DCAF16: variants seen among roughly 807,000 people sequenced by gnomAD.
The protein encoded by DCAF16 is DDB1- and CUL4-associated factor 16.
A neutral mutation model predicts 17.3 loss-of-function variants in DCAF16; 10 were observed. The ratio of observed to expected loss-of-function variants is 0.58; its 90% CI spans 0.36 to 0.98. The LOEUF is 0.98. Ranked by LOEUF, DCAF16 falls within the 50% of genes least tolerant of loss-of-function variation. DCAF16 has a pLI of 0.01. For missense variants in DCAF16, 249 were observed against 247.6 expected (o/e 1.01, Z -0.04); for synonymous variants, 111 against 92.8 (o/e 1.20, Z -1.12).
rs771319623 is a variant in DCAF16 at position 17,803,615 on chromosome 4, C to T, written c.527G>A (p.Gly176Glu). 1 of 1,614,128 alleles carries T rather than the reference C, an allele frequency of 6.2e-7. No homozygotes were observed. Residue 176 changes from glycine (G) to glutamate (E), a missense_variant, in exon 3 of 3, where the codon GGG (glycine) becomes GAG (glutamate). Physicochemically the swap from Gly to Glu is moderately conservative, Grantham distance 98. Coordinates refer to ENST00000382247, the MANE Select transcript of DCAF16 (RefSeq NM_017741.4). ...LKQIPNSCVSGCCCGWLTKTV... is the reference protein window; with the variant it reads ...LKQIPNSCVSECCCGWLTKTV... ...TTTAGTCAGCCAGCCACAGCAACAC[C>T]CAGAAACACATGAATTAGGGATCTG... is the stretch of plus-strand genomic sequence containing the variant.
chr4:17,808,500 A>T (rs1720529426), intron 1 of DCAF16, among the ~76,000 whole-genome samples: 2 of 152,196 alleles, frequency 1.3e-5, no homozygotes, highest in African/African-American at 2.4e-5. Flanking sequence ...TTAAGGCAGT[A>T]TACTATGTTG....
At chr4:17,810,065 T>C (rs1200064819) in intron 1 of DCAF16, among the ~76,000 whole-genome samples, 2 of 152,192 alleles carry the variant, frequency 1.3e-5, no homozygotes, top group Non-Finnish European at 2.9e-5. Context: ...GCTCAAAATA[T>C]ACTCTAGAAG....
downstream of DCAF16, among the ~76,000 whole-genome samples, chr4:17,800,045 G>T (rs894026534): frequency 2.0e-5 from 3 of 151,636 alleles, no homozygotes; most frequent in African/African-American, 7.3e-5. Flanking sequence ...TACTCGGGAG[G>T]CTGAGGCAGA....
the DCAF16 span, among the ~76,000 whole-genome samples, chr4:17,794,684 T>C: frequency 1.8e-4 from 28 of 152,340 alleles, no homozygotes; most frequent in African/African-American, 6.7e-4. Context: ...GCACATCTTA[T>C]TGAAGTCAGC....
In DCAF16 at chr4:17,804,182, C is replaced by A. The variant is rs752913341; in HGVS notation, c.-41G>T. 2.5e-5 allele frequency: 39 copies of A among 1,535,166 alleles called. No homozygotes were observed. The highest frequency in any genetic ancestry group is 3.4e-5 in the Non-Finnish European group (38 of 1,128,210). ...TAAGGAACCAGAAAAAGGTAATAATCTAAGCCAGCAGAACACTGACTAACA... is the reference window on the plus strand; with the variant it reads ...TAAGGAACCAGAAAAAGGTAATAATATAAGCCAGCAGAACACTGACTAACA... On this transcript the variant is annotated 5_prime_UTR_variant, in exon 3 of 3. Transcript: ENST00000382247.
rs1719790455 is a variant in DCAF16 at position 17,801,574 on chromosome 4, C to T, written c.*1917G>A. On this transcript the variant is annotated 3_prime_UTR_variant, in exon 3 of 3. Coordinates refer to ENST00000382247, the MANE Select transcript of DCAF16 (RefSeq NM_017741.4). Reference sequence around the variant, plus strand: ...CCTTTAGATGCCCAGTCAACCAGGACCACACACAGATTTCATTTTATTTGT... The same window carrying T: ...CCTTTAGATGCCCAGTCAACCAGGATCACACACAGATTTCATTTTATTTGT... The T allele has an allele frequency of 6.6e-6, 1 of 152,108 alleles. No homozygotes were observed. The highest frequency in any genetic ancestry group is 2.1e-4 in the South Asian group (1 of 4,826). The allele number at this position is 152,108 out of a possible 1,614,324, so 9.4% of individuals were successfully genotyped here. A position where few individuals can be genotyped will look rare whatever the true frequency, so the allele number is the denominator to read the frequency against.
chr4:17,805,826 G>A (rs967022255), intron 1 of DCAF16, among the ~76,000 whole-genome samples: 4 of 152,282 alleles, frequency 2.6e-5, no homozygotes, highest in Middle Eastern at 3.4e-3. Context: ...TTAGCCAGGC[G>A]TGGTGGTGTG....
chr4:17,800,993 C>A lies in DCAF16; in HGVS notation c.*2498G>T, dbSNP rs1411152447. ...TATGGTTTCAGGTCAATAATTTCCACTAACAAATACTTTTATTCTACAATT... is the reference window on the plus strand; with the variant it reads ...TATGGTTTCAGGTCAATAATTTCCAATAACAAATACTTTTATTCTACAATT... On this transcript the variant is annotated 3_prime_UTR_variant, in exon 3 of 3. Coordinates refer to ENST00000382247, the MANE Select transcript of DCAF16 (RefSeq NM_017741.4). 2.0e-5 allele frequency: 3 copies of A among 152,238 alleles called. No individual in the cohort carries two copies. The East Asian group carries it at 5.8e-4, about 29-fold the overall frequency. 9.4% of individuals were successfully genotyped at this position (152,238 alleles called of 1,614,324 possible). A position where few individuals can be genotyped will look rare whatever the true frequency, so the allele number is the denominator to read the frequency against.
Position 17,803,877 on chromosome 4 carries a change from T to C in DCAF16, c.265A>G (p.Ile89Val), listed in dbSNP as rs1720045026. The C allele has an allele frequency of 1.2e-6, 2 of 1,614,056 alleles. No homozygotes were observed. The highest frequency in any genetic ancestry group is 1.7e-5 in the Admixed American group (1 of 60,006). ...KLLDPSTPVHILREIGLRLSH... is the reference protein window; with the variant it reads ...KLLDPSTPVHVLREIGLRLSH... Reference sequence around the variant, plus strand: ...AGTCTTAGACCTATCTCTCGAAGTATATGGACTGGTGTGCTTGGATCCAAC... The same window carrying C: ...AGTCTTAGACCTATCTCTCGAAGTACATGGACTGGTGTGCTTGGATCCAAC... The change falls in exon 3 of 3, where the codon ATA (isoleucine) becomes GTA (valine). Residue 89 changes from isoleucine to valine, a missense_variant. By Grantham distance (29) the Ile-to-Val change is conservative. Transcript: ENST00000382247.
intron 1 of DCAF16, among the ~76,000 whole-genome samples, chr4:17,809,199 G>A (rs1204975578): frequency 2.6e-5 from 4 of 152,174 alleles, no homozygotes; most frequent in African/African-American, 4.8e-5. Context: ...ATAGCAACCT[G>A]TCTGTGCCGT....
chr4:17,799,437 C>G (rs116192972), downstream of DCAF16, among the ~76,000 whole-genome samples: 375 of 152,300 alleles, frequency 2.5e-3, 2 homozygotes, highest in African/African-American at 8.4e-3. Context: ...TTCCCAGTGT[C>G]TGCACTAGAG....
chr4:17,810,484 C>G lies in DCAF16; in HGVS notation c.-787G>C, dbSNP rs1329969572. 6.6e-6 allele frequency: 1 copy of G among 152,460 alleles called. No homozygotes were observed. The highest frequency in any genetic ancestry group is 1.5e-5 in the Non-Finnish European group (1 of 68,220). 9.4% of individuals were successfully genotyped at this position (152,460 alleles called of 1,614,324 possible). ...CGCTCAGCGGACCCAGCAGCGTCGT[C>G]TCCCTTCTCAGAGGTGGCCGGGCCT... is the stretch of plus-strand genomic sequence containing the variant. On this transcript the variant is annotated 5_prime_UTR_variant, in exon 1 of 3. Transcript: ENST00000382247.
intron 2 of DCAF16, among the ~76,000 whole-genome samples, 154 bp downstream of exon 2, chr4:17,804,953 C>T (rs1445148184): frequency 6.6e-6 from 1 of 152,142 alleles, no homozygotes; most frequent in Non-Finnish European, 1.5e-5. Flanking sequence ...TATTGGGGAG[C>T]AAAGTCTGGG....
At position 17,803,651 on chromosome 4, in the gene DCAF16, T is replaced by G. The variant is rs1444434131; in HGVS notation, c.491A>C (p.Glu164Ala). 6.2e-7 allele frequency: 1 copy of G among 1,614,202 alleles called. No homozygotes were observed. The highest frequency in any genetic ancestry group is 8.5e-7 in the Non-Finnish European group (1 of 1,180,042). The change falls in exon 3 of 3, where the codon GAA becomes GCA. Residue 164 changes from glutamate to alanine, a missense_variant. Glu to Ala is a moderately radical substitution (Grantham distance 107). Transcript: ENST00000382247. ...RTLSRATPIP[E>A]YLKQIPNSCV... The stretch of plus-strand genomic sequence containing the variant: ...TGAATTAGGGATCTGTTTTAGGTAT[T>G]CAGGTATGGGAGTGGCTCTACTCAA...
chr4:17,808,731 A>G (rs1720553469), intron 1 of DCAF16, among the ~76,000 whole-genome samples: 1 of 152,208 alleles, frequency 6.6e-6, no homozygotes, highest in South Asian at 2.1e-4. Flanking sequence ...CAAATAGAAT[A>G]TAGTAAAGAA....
At chr4:17,799,688 G>A (rs1719603103), downstream of DCAF16, among the ~76,000 whole-genome samples, 1 of 152,112 alleles carries the variant, frequency 6.6e-6, no homozygotes, top group African/African-American at 2.4e-5. Context: ...AATATGGACA[G>A]GTGTGATAGA....
chr4:17,805,763 A>T (rs1720270901), intron 1 of DCAF16, among the ~76,000 whole-genome samples: 1 of 152,204 alleles, frequency 6.6e-6, no homozygotes, highest in African/African-American at 2.4e-5. Flanking sequence ...GGAGTTCAAG[A>T]CCAGCCTGGG....
At chr4:17,808,059 C>A (rs1303943570) in intron 1 of DCAF16, among the ~76,000 whole-genome samples, 1 of 152,080 alleles carries the variant, frequency 6.6e-6, no homozygotes, top group Non-Finnish European at 1.5e-5. Flanking sequence ...AGAACAGTTC[C>A]AAGTTATATC....
chr4:17,809,910 C>T (rs979768907), intron 1 of DCAF16, among the ~76,000 whole-genome samples: 1 of 152,048 alleles, frequency 6.6e-6, no homozygotes, highest in Non-Finnish European at 1.5e-5. Flanking sequence ...ATAAGATCTC[C>T]CAGGTAACAA....
Sources: gnomAD v4.1 joint callset for allele counts (sites outside exome capture counted in the v4.1 genomes callset) on GRCh38, gnomAD v4.1.1 for gene constraint, MANE v1.5 for transcripts, NCBI Gene and HGNC (gene_info 2026-07-23, HGNC 2026-07-21) for gene names.